Variants in CPED1 observed in about 807,000 individuals in gnomAD.
CPED1 encodes the protein cadherin like and PC-esterase domain containing 1, also known as cadherin-like and PC-esterase domain-containing protein 1.
A neutral mutation model predicts 128.2 loss-of-function variants in CPED1; 114 were observed. The ratio of observed to expected loss-of-function variants is 0.89; its 90% CI spans 0.76 to 1.04. The LOEUF (loss-of-function observed/expected upper bound fraction) is 1.04, where lower values mean the gene tolerates loss of function less well. CPED1 is among the 50% of genes least tolerant of loss of function. The pLI is 0.00. For missense variants in CPED1, 1,211 were observed against 1,207.1 expected (o/e 1.00, Z -0.05); for synonymous variants, 462 against 426.7 (o/e 1.08, Z -1.02).
chr7:121,191,380 T>C lies in CPED1; in HGVS notation c.2056-45334T>C, dbSNP rs1180629498. Among the ~76,000 whole-genome samples the C allele has an allele frequency of 2.0e-5, 3 of 151,976 alleles. No homozygotes were observed. The East Asian group carries it at 5.8e-4, about 29-fold the overall frequency. ...GAGGCTTCTTGGAGGAAGTGACATA[T>C]GAGATGATTTCGAAGGACCAGTACA... On this transcript the variant is annotated intron_variant, in intron 16 of 22. Coordinates refer to ENST00000310396, the MANE Select transcript of CPED1 (RefSeq NM_024913.5).
chr7:120,999,077 G>A (rs1374984386), intron 2 of CPED1, among the ~76,000 whole-genome samples: 2 of 152,216 alleles, frequency 1.3e-5, no homozygotes, highest in Non-Finnish European at 1.5e-5. Context: ...ATATTCAGTC[G>A]ATGAATGAAT....
intron 16 of CPED1, among the ~76,000 whole-genome samples, chr7:121,142,409 C>T (rs1451227062): frequency 1.3e-5 from 2 of 151,904 alleles, no homozygotes; most frequent in South Asian, 2.1e-4. Flanking sequence ...TGAGGACTCA[C>T]ACTTAGTTGT....
In CPED1 at chr7:121,297,114, AGAT is replaced by A. The variant is rs975547125; in HGVS notation, c.*1466_*1468del. The A allele has an allele frequency of 2.6e-5, 4 of 152,204 alleles. No individual in the cohort carries two copies. The highest frequency in any genetic ancestry group is 2.1e-4 in the South Asian group (1 of 4,830). 9.4% of individuals were successfully genotyped at this position (152,204 alleles called of 1,614,324 possible). On this transcript the variant is annotated 3_prime_UTR_variant, in exon 23 of 23. Coordinates refer to ENST00000310396, the MANE Select transcript of CPED1 (RefSeq NM_024913.5). ...TAAACAATACAAATCTGCATCTTAC[AGAT>A]GATAATTTTTTTAGAAGAATGATAC...
intron 4 of CPED1, among the ~76,000 whole-genome samples, chr7:121,060,298 C>A (rs1793624623): frequency 6.6e-6 from 1 of 152,256 alleles, no homozygotes; most frequent in Non-Finnish European, 1.5e-5. Flanking sequence ...GTCCCATCGA[C>A]CACCCAAGGG....
Position 121,069,345 on chromosome 7 carries a change from C to T in CPED1, c.616+5032C>T, listed in dbSNP as rs146320330. On this transcript the variant is annotated intron_variant, in intron 5 of 22. Transcript: ENST00000310396. Reference sequence around the variant, plus strand: ...CAAAGTTTGGCAATGATCAATAATGCTGAAATCCCATAATTCTGCTGTGCC... The same window carrying T: ...CAAAGTTTGGCAATGATCAATAATGTTGAAATCCCATAATTCTGCTGTGCC... 4.3e-4 allele frequency among the ~76,000 whole-genome samples: 65 copies of T among 152,248 alleles called. 1 individual carries two copies. The East Asian group carries it at 8.1e-3, about 19-fold the overall frequency.
chr7:121,041,008 A>C (rs1436309593), intron 3 of CPED1, among the ~76,000 whole-genome samples: 1 of 152,090 alleles, frequency 6.6e-6, no homozygotes, highest in Admixed American at 6.6e-5. Context: ...TGTTTGTATA[A>C]TTTAAGCACA....
chr7:121,232,130 C>T (rs988617790), intron 16 of CPED1, among the ~76,000 whole-genome samples: 5 of 152,062 alleles, frequency 3.3e-5, no homozygotes, highest in Non-Finnish European at 5.9e-5. Context: ...TTCCTGACTA[C>T]GCAGGCAGCC....
At position 121,099,975 on chromosome 7, in the gene CPED1, GATCT is replaced by G; in HGVS notation, c.804_807del (p.Ser269Ter). The G allele has an allele frequency of 6.2e-7, 1 of 1,613,162 alleles. No homozygotes were observed. Among genetic ancestry groups the G allele is most frequent in the South Asian group, 1.1e-5 (1 of 91,044 alleles). ...ACATGAAACAATCTTTCGAGCCGAAGATCTATCTGTGATTCTTAAAGCGTATGTG... is the reference window on the plus strand; with the variant it reads ...ACATGAAACAATCTTTCGAGCCGAAGATCTGTGATTCTTAAAGCGTATGTG... On this transcript the variant is annotated frameshift_variant, in exon 7 of 23. Coordinates refer to ENST00000310396, the MANE Select transcript of CPED1 (RefSeq NM_024913.5). LOFTEE classifies it high-confidence loss of function.
Position 121,266,855 on chromosome 7 carries a change from A to G in CPED1, c.2633+47A>G, listed in dbSNP as rs201091611. On this transcript the variant is annotated intron_variant, in intron 20 of 22. Coordinates refer to ENST00000310396, the MANE Select transcript of CPED1 (RefSeq NM_024913.5). ...TGTCATTAGTATTCTAAGTCAAAAA[A>G]GTTACTATGGATGTGACTGAGTTTT... 5.4e-5 allele frequency: 73 copies of G among 1,354,684 alleles called. No homozygotes were observed. The East Asian group carries it at 1.5e-3, about 27-fold the overall frequency. The allele number at this position is 1,354,684 out of a possible 1,614,324, so 83.9% of individuals were successfully genotyped here.
At chr7:121,197,567 T>C (rs1033966151) in intron 16 of CPED1, among the ~76,000 whole-genome samples, 2 of 152,068 alleles carry the variant, frequency 1.3e-5, no homozygotes, top group African/African-American at 4.8e-5. Context: ...CAGCTAGTAA[T>C]GGGCAAAGCT....
chr7:121,066,127 T>C (rs1401643521), intron 5 of CPED1, among the ~76,000 whole-genome samples: 1 of 152,150 alleles, frequency 6.6e-6, no homozygotes, highest in African/African-American at 2.4e-5. Flanking sequence ...CACCTAAATA[T>C]AGGGTATGAT....
chr7:121,290,860 T>C (rs577144407), intron 22 of CPED1, among the ~76,000 whole-genome samples: 1 of 152,234 alleles, frequency 6.6e-6, no homozygotes, highest in Non-Finnish European at 1.5e-5. Flanking sequence ...TGGTGTTTTA[T>C]TCATGAAGTC....
intron 5 of CPED1, among the ~76,000 whole-genome samples, chr7:121,073,518 T>C (rs1173523082): frequency 6.6e-6 from 1 of 152,214 alleles, no homozygotes; most frequent in South Asian, 2.1e-4. Flanking sequence ...GTCCTTCTTC[T>C]ACAGTTTACT....
At chr7:121,069,086 T>C (rs1054854990) in intron 5 of CPED1, among the ~76,000 whole-genome samples, 1 of 152,116 alleles carries the variant, frequency 6.6e-6, no homozygotes, top group Non-Finnish European at 1.5e-5. Context: ...AGGCACTATC[T>C]CTTTTTCAAG....
chr7:121,122,375 A>G (rs1424215689), intron 7 of CPED1, among the ~76,000 whole-genome samples: 2 of 152,118 alleles, frequency 1.3e-5, no homozygotes, highest in African/African-American at 2.4e-5. Context: ...TCCTGATCTC[A>G]GGTGATCCAC....
chr7:121,147,585 G>T (rs1391117114), intron 16 of CPED1, among the ~76,000 whole-genome samples: 1 of 152,006 alleles, frequency 6.6e-6, no homozygotes, highest in African/African-American at 2.4e-5. Context: ...AAAAAGTTTT[G>T]ACATGGGGAA....
chr7:121,092,410 T>A (rs1324732736), intron 5 of CPED1, among the ~76,000 whole-genome samples: 3 of 152,200 alleles, frequency 2.0e-5, no homozygotes, highest in Non-Finnish European at 2.9e-5. Context: ...ACTTATTAAG[T>A]ATAGATTTAT....
At chr7:121,052,834 C>T (rs369364487) in intron 4 of CPED1, among the ~76,000 whole-genome samples, 1 of 152,066 alleles carries the variant, frequency 6.6e-6, no homozygotes, top group Non-Finnish European at 1.5e-5. Flanking sequence ...GTGATTCTCA[C>T]GCTCAGCTTC....
chr7:121,226,545 CCAGT>C (rs530338987), intron 16 of CPED1, among the ~76,000 whole-genome samples: 112 of 152,138 alleles, frequency 7.4e-4, no homozygotes, highest in Middle Eastern at 6.8e-3. Context: ...ATGAAGTGCT[CCAGT>C]CAGTTTCCTT....
Sources: gnomAD v4.1 joint callset for allele counts (sites outside exome capture counted in the v4.1 genomes callset) on GRCh38, gnomAD v4.1.1 for gene constraint, MANE v1.5 for transcripts, NCBI Gene and HGNC (gene_info 2026-07-23, HGNC 2026-07-21) for gene names.